Variants in CNTNAP2 observed in about 807,000 individuals in gnomAD.
The protein encoded by CNTNAP2 is contactin-associated protein-like 2.
Under a neutral mutation model 155.2 loss-of-function variants are expected in CNTNAP2, and 98 were observed. The ratio of observed to expected loss-of-function variants is 0.63; its 90% CI spans 0.54 to 0.75. The LOEUF (loss-of-function observed/expected upper bound fraction) is 0.75. CNTNAP2 is among the 30% of genes least tolerant of loss of function. The probability of loss-of-function intolerance (pLI) is 0.00; values close to 1 mark genes in which losing one functional copy is unlikely to be tolerated. For synonymous variants in CNTNAP2, 651 were observed against 631.2 expected (o/e 1.03, Z -0.47); for missense variants, 1,727 against 1,688.1 (o/e 1.02, Z -0.40).
At chr7:148,051,313 G>A (rs921037237) in intron 15 of CNTNAP2, among the ~76,000 whole-genome samples, 2 of 152,124 alleles carry the variant, frequency 1.3e-5, no homozygotes, top group Admixed American at 1.3e-4. Context: ...GCATTTGGCA[G>A]CAATTACAAA....
chr7:146,649,422 T>C (rs559866683), intron 1 of CNTNAP2, among the ~76,000 whole-genome samples: 17 of 152,274 alleles, frequency 1.1e-4, no homozygotes, highest in Non-Finnish European at 2.4e-4. Flanking sequence ...TGATGTAAGT[T>C]CATGATAAAT....
intron 22 of CNTNAP2, among the ~76,000 whole-genome samples, chr7:148,407,561 A>G (rs1436393073): frequency 6.6e-6 from 1 of 152,108 alleles, no homozygotes; most frequent in Non-Finnish European, 1.5e-5. Flanking sequence ...AAAATTTGCC[A>G]GGTGTGATAG....
intron 10 of CNTNAP2, among the ~76,000 whole-genome samples, chr7:147,409,126 C>T (rs573409164): frequency 2.6e-5 from 4 of 152,198 alleles, no homozygotes; most frequent in East Asian, 1.9e-4. Flanking sequence ...GTGGGTCTAC[C>T]GGTTAGGGTA....
chr7:147,188,409 G>A (rs1463685822), intron 8 of CNTNAP2, among the ~76,000 whole-genome samples: 2 of 152,172 alleles, frequency 1.3e-5, no homozygotes, highest in Admixed American at 1.3e-4. Flanking sequence ...GATATTTTGT[G>A]GCAGGTAATA....
At chr7:146,180,219 T>C (rs2116834435) in intron 1 of CNTNAP2, among the ~76,000 whole-genome samples, 1 of 152,340 alleles carries the variant, frequency 6.6e-6, no homozygotes, top group Non-Finnish European at 1.5e-5. Context: ...TTAAGTAGCC[T>C]AGCAATTCTG....
intron 11 of CNTNAP2, among the ~76,000 whole-genome samples, chr7:147,507,677 C>T (rs535096133): frequency 2.3e-4 from 34 of 150,890 alleles, no homozygotes; most frequent in South Asian, 6.3e-4. Context: ...CTCAGCCTCC[C>T]GAGTAGCTGG....
chr7:147,230,370 G>C (rs1654559969), intron 8 of CNTNAP2, among the ~76,000 whole-genome samples: 1 of 152,044 alleles, frequency 6.6e-6, no homozygotes, highest in South Asian at 2.1e-4. Flanking sequence ...CAATTCTCCT[G>C]CCTCAGCCTC....
At chr7:147,897,037 A>C (rs745421500) in intron 13 of CNTNAP2, 1 of 152,182 alleles carries the variant, frequency 6.6e-6, no homozygotes, top group Non-Finnish European at 1.5e-5. Context: ...TTCAACAATG[A>C]AACTTCCTTT....
intron 1 of CNTNAP2, among the ~76,000 whole-genome samples, chr7:146,422,399 G>A (rs549537356): frequency 1.5e-4 from 22 of 149,740 alleles, no homozygotes; most frequent in African/African-American, 5.5e-4. Context: ...ATAATTCTGT[G>A]TGTGGTCTTT....
rs372514619 is a variant in CNTNAP2 at position 148,213,161 on chromosome 7, C to G, written c.3011-4127C>G. On this transcript the variant is annotated intron_variant, in intron 18 of 23. Transcript: ENST00000361727. ...CAGCTTTCACCCCAAGCATCTCACACCCTTGTGCGCATAAGTATCACCTGG... is the reference window on the plus strand; with the variant it reads ...CAGCTTTCACCCCAAGCATCTCACAGCCTTGTGCGCATAAGTATCACCTGG... Among the ~76,000 whole-genome samples, 20 of 152,288 alleles carry G rather than the reference C, an allele frequency of 1.3e-4. No individual in the cohort carries two copies. The East Asian group carries it at 3.3e-3, about 25-fold the overall frequency.
intron 8 of CNTNAP2, among the ~76,000 whole-genome samples, chr7:147,233,583 CAAA>C (rs11354058): frequency 1.5e-5 from 2 of 135,958 alleles, no homozygotes; most frequent in Non-Finnish European, 3.2e-5. Flanking sequence ...ACCAAAAAAG[CAAA>C]AAAAAAAAAA....
At chr7:148,131,002 T>C (rs1804819156) in intron 16 of CNTNAP2, among the ~76,000 whole-genome samples, 2 of 152,078 alleles carry the variant, frequency 1.3e-5, no homozygotes, top group African/African-American at 4.8e-5. Context: ...AAAGACATAC[T>C]GAAGTTTCAT....
intron 15 of CNTNAP2, among the ~76,000 whole-genome samples, chr7:148,107,510 A>G (rs1011527971): frequency 6.6e-6 from 1 of 152,230 alleles, no homozygotes; most frequent in Non-Finnish European, 1.5e-5. Context: ...CATTTTATTA[A>G]TAACTTGCAG....
chr7:147,425,566 A>G (rs1444290076), intron 10 of CNTNAP2, among the ~76,000 whole-genome samples: 2 of 152,024 alleles, frequency 1.3e-5, no homozygotes, highest in Non-Finnish European at 2.9e-5. Flanking sequence ...ACAATCATCT[A>G]TTTGCTCTCC....
intron 13 of CNTNAP2, among the ~76,000 whole-genome samples, chr7:147,760,383 C>T (rs1797281225): frequency 6.6e-6 from 1 of 152,138 alleles, no homozygotes; most frequent in Admixed American, 6.5e-5. Context: ...CTCTTCTGCT[C>T]TCAGCATTCT....
chr7:146,992,999 G>C (rs1484674402), intron 3 of CNTNAP2, among the ~76,000 whole-genome samples: 2 of 152,106 alleles, frequency 1.3e-5, no homozygotes, highest in South Asian at 4.1e-4. Flanking sequence ...CAGTGAATCC[G>C]TATGGGTCTG....
At position 148,123,710 on chromosome 7, in the gene CNTNAP2, G is replaced by GAGAAAGAAAGAAAAGAAAAAGGA. The variant is rs367869544; in HGVS notation, c.2554+5442_2554+5464dup. ...AAAAAGAAAGAGAAAGAGAGAAACA[G>GAGAAAGAAAGAAAAGAAAAAGGA]AGAAAGAAAGAAAAGAAAAAGGAAG... On this transcript the variant is annotated intron_variant, in intron 16 of 23. Transcript: ENST00000361727. Among the ~76,000 whole-genome samples, 4 of 150,336 alleles carry GAGAAAGAAAGAAAAGAAAAAGGA rather than the reference G, an allele frequency of 2.7e-5. No homozygotes were observed. The East Asian group carries it at 7.8e-4, about 29-fold the overall frequency.
rs1259415325 is a variant in CNTNAP2, at chr7:148,303,291, G to C, written c.3475+36165G>C. Among the ~76,000 whole-genome samples the C allele has an allele frequency of 1.1e-4, 16 of 152,166 alleles. 1 individual carries two copies. The highest frequency in any genetic ancestry group is 2.4e-4 in the Non-Finnish European group (16 of 68,032). On this transcript the variant is annotated intron_variant, in intron 21 of 23. Transcript: ENST00000361727. ...CCAGGTAGAGAATGCAAGGTAGATT[G>C]GTTTTGTTCACAGGGGTCATGCAGA...
At position 147,978,140 on chromosome 7, in the gene CNTNAP2, G is replaced by A. The variant is rs562162447; in HGVS notation, c.2383+151G>A. The A allele has an allele frequency of 9.9e-6, 11 of 1,109,530 alleles. No homozygotes were observed. In the East Asian group the frequency reaches 1.8e-4, roughly 19 times the overall value. 68.7% of individuals were successfully genotyped at this position (1,109,530 alleles called of 1,614,324 possible). A position where few individuals can be genotyped will look rare whatever the true frequency, so the allele number is the denominator to read the frequency against. The stretch of plus-strand genomic sequence containing the variant: ...CCAAGCAGAGATAACTTAGAGGAGG[G>A]GAACAGCCATAAAGCCTCCAGTACA... On this transcript the variant is annotated intron_variant, in intron 15 of 23. Transcript: ENST00000361727.
Sources: allele counts gnomAD v4.1 joint callset (sites outside exome capture counted in the v4.1 genomes callset), GRCh38; gene constraint gnomAD v4.1.1; transcripts MANE v1.5; gene names NCBI Gene and HGNC (gene_info 2026-07-23, HGNC 2026-07-21).